The following FAM107B variants were observed in gnomAD, a reference collection of about 807,000 sequenced individuals.
FAM107B encodes the protein protein FAM107B.
A neutral mutation model predicts 31.5 loss-of-function variants in FAM107B; 21 were observed. The ratio of observed to expected loss-of-function variants is 0.67; its 90% CI spans 0.47 to 0.96. The LOEUF is 0.96. Among genes scored for constraint, FAM107B ranks in the 40% least tolerant of loss-of-function variants. FAM107B has a pLI of 0.00. For synonymous variants in FAM107B, 157 were observed against 141.5 expected, an observed-to-expected ratio of 1.11 and a Z score of -0.78; for missense variants, 452 against 377.1, an observed-to-expected ratio of 1.20 and a Z score of -1.64.
At chr10:14,752,062 T>A (rs936046397) in intron 1 of FAM107B, among the ~76,000 whole-genome samples, 1 of 152,146 alleles carries the variant, frequency 6.6e-6, no homozygotes, top group Non-Finnish European at 1.5e-5. Flanking sequence ...CCAAGGAGGA[T>A]TTTTTTCCAT....
At chr10:14,720,732 G>A (rs1160214442) in intron 1 of FAM107B, among the ~76,000 whole-genome samples, 1 of 152,124 alleles carries the variant, frequency 6.6e-6, no homozygotes, top group Non-Finnish European at 1.5e-5. Context: ...GCAAACATTT[G>A]AAGAACCAAA....
intron 2 of FAM107B, among the ~76,000 whole-genome samples, chr10:14,580,927 G>A (rs910122270): frequency 6.6e-6 from 1 of 152,160 alleles, no homozygotes; most frequent in Non-Finnish European, 1.5e-5. Context: ...AAAACCTCCA[G>A]AACTCTTACT....
intron 1 of FAM107B, among the ~76,000 whole-genome samples, chr10:14,695,180 A>G (rs936105532): frequency 6.6e-6 from 1 of 152,100 alleles, no homozygotes; most frequent in African/African-American, 2.4e-5. Context: ...TTTTGTGTAC[A>G]TTGTACGATA....
At chr10:14,559,949 A>G (rs998497914) in intron 2 of FAM107B, among the ~76,000 whole-genome samples, 1 of 152,128 alleles carries the variant, frequency 6.6e-6, no homozygotes, top group Non-Finnish European at 1.5e-5. Flanking sequence ...TAATACTAGT[A>G]TAAACCTCAA....
chr10:14,628,761 G>A (rs1208820208), intron 2 of FAM107B, among the ~76,000 whole-genome samples: 2 of 152,096 alleles, frequency 1.3e-5, no homozygotes, highest in Non-Finnish European at 2.9e-5. Flanking sequence ...AACTGTGTAT[G>A]GTGGCTTACA....
intron 1 of FAM107B, among the ~76,000 whole-genome samples, chr10:14,719,785 C>A (rs1456964372): frequency 7.0e-6 from 1 of 142,844 alleles, no homozygotes; most frequent in South Asian, 2.4e-4. Context: ...CCCCTCACAC[C>A]ATCTCTGTCT....
intron 2 of FAM107B, among the ~76,000 whole-genome samples, chr10:14,567,030 G>A (rs983476125): frequency 6.6e-6 from 1 of 152,204 alleles, no homozygotes; most frequent in Non-Finnish European, 1.5e-5. Context: ...GCGGACGCCT[G>A]TAGTCCCAGC....
intron 1 of FAM107B, among the ~76,000 whole-genome samples, chr10:14,737,082 G>A (rs1019376208): frequency 2.6e-5 from 4 of 152,158 alleles, no homozygotes; most frequent in Non-Finnish European, 5.9e-5. Context: ...GCAAAAACAA[G>A]GGAGCTAAGA....
chr10:14,528,550 G>A (rs547056022), intron 3 of FAM107B, among the ~76,000 whole-genome samples: 1 of 152,040 alleles, frequency 6.6e-6, no homozygotes, highest in Non-Finnish European at 1.5e-5. Flanking sequence ...ATCTCAAGAG[G>A]GGATACCTTG....
At chr10:14,611,777 C>T (rs1358282702) in intron 2 of FAM107B, among the ~76,000 whole-genome samples, 2 of 151,796 alleles carry the variant, frequency 1.3e-5, no homozygotes, top group Middle Eastern at 3.5e-3. Flanking sequence ...TAGTTCATCT[C>T]GTCTGGAGCT....
intron 2 of FAM107B, among the ~76,000 whole-genome samples, chr10:14,598,517 G>A (rs898620835): frequency 7.9e-5 from 12 of 152,178 alleles, no homozygotes; most frequent in African/African-American, 2.9e-4. Flanking sequence ...TAGACTTGAA[G>A]AGTGGAATGG....
At chr10:14,688,843 T>A (rs994761402) in intron 1 of FAM107B, among the ~76,000 whole-genome samples, 3 of 152,198 alleles carry the variant, frequency 2.0e-5, no homozygotes, top group Admixed American at 2.0e-4. Context: ...TTCAAATCCA[T>A]CCATGCCCTT....
chr10:14,615,630 T>C (rs939214072), intron 2 of FAM107B, among the ~76,000 whole-genome samples: 2 of 152,276 alleles, frequency 1.3e-5, no homozygotes, highest in South Asian at 2.1e-4. Context: ...AAGGCCTTCC[T>C]TAACTTTTAT....
chr10:14,657,928 A>G (rs892255784), intron 2 of FAM107B, among the ~76,000 whole-genome samples: 3 of 151,780 alleles, frequency 2.0e-5, no homozygotes, highest in African/African-American at 7.3e-5. Flanking sequence ...CTCCCACCTC[A>G]GCCTCCCAAG....
rs1845578044 is a variant in FAM107B at position 14,521,034 on chromosome 10, A to T, written c.*156T>A. On this transcript the variant is annotated 3_prime_UTR_variant, in exon 5 of 5. Coordinates refer to ENST00000181796, the MANE Select transcript of FAM107B (RefSeq NM_031453.4). The stretch of plus-strand genomic sequence containing the variant: ...GAACTGCAACTGTCACAGGCAAGGC[A>T]TCCACCCAGATCGTAGGAAAATCAA... 1 of 640,400 alleles carries T rather than the reference A, an allele frequency of 1.6e-6. No homozygotes were observed. The highest frequency in any genetic ancestry group is 2.0e-5 in the South Asian group (1 of 49,572). The allele number at this position is 640,400 out of a possible 1,614,324, so 39.7% of individuals were successfully genotyped here.
At chr10:14,538,369 T>C (rs1847856655) in intron 2 of FAM107B, among the ~76,000 whole-genome samples, 1 of 152,336 alleles carries the variant, frequency 6.6e-6, no homozygotes, top group South Asian at 2.1e-4. Context: ...CATAGTGGAA[T>C]ACTATGCAGC....
chr10:14,539,975 A>G (rs1201899063), intron 2 of FAM107B, among the ~76,000 whole-genome samples: 1 of 152,164 alleles, frequency 6.6e-6, no homozygotes, highest in East Asian at 1.9e-4. Context: ...CAGCACATCT[A>G]TGGAGAAACG....
At chr10:14,550,495 C>T (rs1849153688) in intron 2 of FAM107B, among the ~76,000 whole-genome samples, 1 of 152,180 alleles carries the variant, frequency 6.6e-6, no homozygotes, top group Admixed American at 6.5e-5. Context: ...GTGATGTTTG[C>T]CCAAAGTCTC....
intron 2 of FAM107B, among the ~76,000 whole-genome samples, chr10:14,659,720 G>A (rs1353613842): frequency 6.6e-6 from 1 of 152,154 alleles, no homozygotes; most frequent in African/African-American, 2.4e-5. Flanking sequence ...AGTAAAAGCA[G>A]ACACTTTGTC....
Sources: gnomAD v4.1 joint callset for allele counts (sites outside exome capture counted in the v4.1 genomes callset) on GRCh38, gnomAD v4.1.1 for gene constraint, MANE v1.5 for transcripts, NCBI Gene and HGNC (gene_info 2026-07-23, HGNC 2026-07-21) for gene names.